The following TCF20 variants were observed in gnomAD, a reference collection of about 807,000 sequenced individuals.
TCF20 encodes transcription factor 20.
TCF20 carries 3 observed loss-of-function variants against 148.6 expected under a neutral mutation model. That is an observed-to-expected ratio of 0.02 (90% CI 0.01 to 0.05). The LOEUF is 0.05. Among genes scored for constraint, TCF20 ranks in the 10% least tolerant of loss-of-function variants. TCF20 has a pLI of 1.00. For synonymous variants in TCF20, 1,049 were observed against 909.5 expected (o/e 1.15, Z -2.76); for missense variants, 2,350 against 2,429.3 (o/e 0.97, Z 0.69).
intron 2 of TCF20, among the ~76,000 whole-genome samples, chr22:42,195,207 C>T (rs1937530122): frequency 6.6e-6 from 1 of 150,944 alleles, no homozygotes; most frequent in Admixed American, 6.6e-5. Context: ...CCAGTGGCAA[C>T]TCACATTTTT....
chr22:42,221,429 A>G (rs1285628916), intron 1 of TCF20, among the ~76,000 whole-genome samples: 1 of 152,196 alleles, frequency 6.6e-6, no homozygotes, highest in African/African-American at 2.4e-5. Context: ...TGAATGTGCC[A>G]TCTGTTTTCT....
In TCF20 at chr22:42,160,756, C is replaced by T. The variant is rs2078443984; in HGVS notation, c.*647G>A. Reference sequence around the variant, plus strand: ...ATGGACCATCCCTGTATTTCCCCCTCCCCCAAAACCTTCCCACTTTGAGAC... The same window carrying T: ...ATGGACCATCCCTGTATTTCCCCCTTCCCCAAAACCTTCCCACTTTGAGAC... On this transcript the variant is annotated 3_prime_UTR_variant, in exon 6 of 6. Coordinates refer to ENST00000677622, the MANE Select transcript of TCF20 (RefSeq NM_001378418.1). 1.3e-5 allele frequency: 2 copies of T among 152,166 alleles called. No individual in the cohort carries two copies. The highest frequency in any genetic ancestry group is 2.1e-4 in the South Asian group (1 of 4,826). 9.4% of individuals were successfully genotyped at this position (152,166 alleles called of 1,614,324 possible). A position where few individuals can be genotyped will look rare whatever the true frequency, so the allele number is the denominator to read the frequency against.
chr22:42,270,654 AG>A (rs1926566090), upstream of TCF20, among the ~76,000 whole-genome samples: 1 of 139,464 alleles, frequency 7.2e-6, no homozygotes. Flanking sequence ...AGGAAATAAC[AG>A]AGCGTCAGGT....
At chr22:42,225,845 A>G (rs1457086814) in intron 1 of TCF20, among the ~76,000 whole-genome samples, 2 of 152,134 alleles carry the variant, frequency 1.3e-5, no homozygotes, top group African/African-American at 2.4e-5. Context: ...GTTGGACACC[A>G]CAGTGCCCAG....
chr22:42,165,015 G>C (rs1423726683), intron 5 of TCF20, among the ~76,000 whole-genome samples: 3 of 152,228 alleles, frequency 2.0e-5, no homozygotes, highest in Non-Finnish European at 4.4e-5. Flanking sequence ...GTAGAGAAGG[G>C]ACAGGACTGG....
At chr22:42,221,703 TG>T (rs1462097128) in intron 1 of TCF20, among the ~76,000 whole-genome samples, 2 of 146,704 alleles carry the variant, frequency 1.4e-5, no homozygotes, top group African/African-American at 5.1e-5. Context: ...GCCAAGGATG[TG>T]GGGTCTATAG....
intron 2 of TCF20, among the ~76,000 whole-genome samples, chr22:42,186,199 A>G (rs1028030558): frequency 6.6e-6 from 1 of 152,190 alleles, no homozygotes; most frequent in African/African-American, 2.4e-5. Context: ...TGGTTGGTCT[A>G]ATGTGCATAC....
chr22:42,287,697 A>C (rs939103368), upstream of TCF20, among the ~76,000 whole-genome samples: 2 of 152,106 alleles, frequency 1.3e-5, no homozygotes, highest in African/African-American at 4.8e-5. Flanking sequence ...CCCGGTTTCA[A>C]ATTTAGCTGC....
At chr22:42,251,192 A>C (rs922283287) in intron 1 of TCF20, among the ~76,000 whole-genome samples, 1 of 152,052 alleles carries the variant, frequency 6.6e-6, no homozygotes, top group African/African-American at 2.4e-5. Context: ...AAGGTAAATA[A>C]GTGGTTTTTC....
Position 42,168,492 on chromosome 22 carries a change from G to A in TCF20, c.*44+117C>T, listed in dbSNP as rs1277781815. The A allele has an allele frequency of 2.1e-5, 30 of 1,402,094 alleles. No homozygotes were observed. The East Asian group carries it at 2.3e-4, about 11-fold the overall frequency. 86.9% of individuals were successfully genotyped at this position (1,402,094 alleles called of 1,614,324 possible). A position where few individuals can be genotyped will look rare whatever the true frequency, so the allele number is the denominator to read the frequency against. On this transcript the variant is annotated intron_variant, in intron 5 of 5. Transcript: ENST00000677622. ...TGGAAGAACACTGCATCCACCTGGC[G>A]TTGTCATCCACAGGATGAAATGCTG...
rs11704558 is a variant in TCF20 at position 42,299,142 on chromosome 22, C to T, written c.-37+44337G>A. On this transcript the variant is annotated intron_variant, in intron 1 of 1. Coordinates refer to the TCF20 transcript ENST00000515426. The surrounding 1 kb of genome is among the most constrained non-coding windows in gnomAD (Gnocchi z 4.1). ...GGAGGGGTACCCCCAAAAATCTGGA[C>T]TTGGCCCTGCAGGCTTCTCTGGCCT... 0.18 allele frequency among the ~76,000 whole-genome samples: 26,712 copies of T among 152,232 alleles called. 3,046 individuals are homozygous for T. The highest frequency in any genetic ancestry group is 0.35 in the Middle Eastern group (102 of 294).
upstream of TCF20, among the ~76,000 whole-genome samples, chr22:42,271,354 T>C (rs1926613772): frequency 6.6e-6 from 1 of 152,244 alleles, no homozygotes; most frequent in African/African-American, 2.4e-5. Context: ...GAAGCTGCAA[T>C]GCCAGGCTGA....
chr22:42,218,889 TATGAAA>T (rs1173474189), intron 1 of TCF20, among the ~76,000 whole-genome samples: 1 of 146,166 alleles, frequency 6.8e-6, no homozygotes, highest in Non-Finnish European at 1.5e-5. Context: ...GGTTCTACTT[TATGAAA>T]AAGAAAAAAA....
intron 1 of TCF20, among the ~76,000 whole-genome samples, chr22:42,291,302 G>A (rs755369353): frequency 6.6e-6 from 1 of 152,204 alleles, no homozygotes; most frequent in Non-Finnish European, 1.5e-5. Context: ...CTGAGCCCCA[G>A]GGGAGGGGCC....
intron 1 of TCF20, among the ~76,000 whole-genome samples, chr22:42,244,945 T>C (rs1211010797): frequency 6.6e-6 from 1 of 151,904 alleles, no homozygotes; most frequent in East Asian, 1.9e-4. Context: ...CAGCTGGGCA[T>C]GGTGGTGCGC....
At chr22:42,287,807 G>C (rs1927058630), upstream of TCF20, among the ~76,000 whole-genome samples, 1 of 151,974 alleles carries the variant, frequency 6.6e-6, no homozygotes, top group African/African-American at 2.4e-5. Flanking sequence ...AAAGACAATT[G>C]GTCCAGCATC....
intron 1 of TCF20, among the ~76,000 whole-genome samples, chr22:42,341,696 C>G (rs1331063617): frequency 6.6e-6 from 1 of 151,704 alleles, no homozygotes; most frequent in Non-Finnish European, 1.5e-5. Context: ...TGTGAGCTGG[C>G]CACACAGGGG....
Position 42,211,352 on chromosome 22 carries a change from C to T in TCF20, c.3954G>A (p.Lys1318=). 1 of 1,614,124 alleles carries T rather than the reference C, an allele frequency of 6.2e-7. No individual in the cohort carries two copies. The highest frequency in any genetic ancestry group is 8.5e-7 in the Non-Finnish European group (1 of 1,180,038). The change falls in exon 2 of 6, where the codon AAG becomes AAA. Residue 1318 remains lysine, a synonymous_variant. Coordinates refer to ENST00000677622, the MANE Select transcript of TCF20 (RefSeq NM_001378418.1). Reference sequence around the variant, plus strand: ...TTCTACTATCTGGACTTGGAAGGTCCTTGGAGGAATCTCTCTTAGGGATAG... The same window carrying T: ...TTCTACTATCTGGACTTGGAAGGTCTTTGGAGGAATCTCTCTTAGGGATAG... ...IKSIPKRDSS[K]DLPSPDSRNC...
intron 1 of TCF20, among the ~76,000 whole-genome samples, chr22:42,342,794 C>T (rs1293249360): frequency 6.6e-6 from 1 of 152,208 alleles, no homozygotes; most frequent in Non-Finnish European, 1.5e-5. Flanking sequence ...ATTTCCTCCC[C>T]CTCCTTCAGG....
Sources: gnomAD v4.1 joint callset for allele counts (sites outside exome capture counted in the v4.1 genomes callset) on GRCh38, gnomAD v4.1.1 for gene constraint, Gnocchi (gnomAD v3.1) non-coding constraint, MANE v1.5 for transcripts, NCBI Gene and HGNC (gene_info 2026-07-23, HGNC 2026-07-21) for gene names.